LRRIQ3: variants seen among roughly 807,000 people sequenced by gnomAD.
The protein encoded by LRRIQ3 is leucine rich repeats and IQ motif containing 3, also known as leucine-rich repeat and IQ domain-containing protein 3.
In LRRIQ3, 75 loss-of-function variants were observed where a neutral mutation model predicts 59.3. That is an observed-to-expected ratio of 1.26 (90% CI 1.05 to 1.53). LRRIQ3 has a LOEUF of 1.53. Among genes scored for constraint, LRRIQ3 ranks in the 40% most tolerant of loss-of-function variants. The pLI is 0.00. For missense variants in LRRIQ3, 831 were observed against 710.0 expected, an observed-to-expected ratio of 1.17 and a Z score of -1.94; for synonymous variants, 250 against 231.3, an observed-to-expected ratio of 1.08 and a Z score of -0.73.
At chr1:74,100,973 C>A (rs1008837468) in intron 5 of LRRIQ3, among the ~76,000 whole-genome samples, 2 of 152,132 alleles carry the variant, frequency 1.3e-5, no homozygotes, top group Non-Finnish European at 2.9e-5. Flanking sequence ...AAAACCTAGG[C>A]AATACCATTC....
In LRRIQ3 at chr1:74,041,727, G is replaced by A. The variant is rs756201576; in HGVS notation, c.1204C>T (p.Arg402Trp). ...PIIKKDIRLERSMKEFFAPQR... is the reference protein window; with the variant it reads ...PIIKKDIRLEWSMKEFFAPQR... ...GGTGCAAAAAACTCTTTCATACTCC[G>A]CTCCAATCGTATGTCTTTTTTAATG... The change falls in exon 7 of 8, where the codon CGG becomes TGG. Residue 402 changes from arginine (R) to tryptophan (W), a missense_variant. Physicochemically the swap from Arg to Trp is moderately radical, Grantham distance 101. Coordinates refer to ENST00000354431, the MANE Select transcript of LRRIQ3 (RefSeq NM_001105659.2). 7.9e-5 allele frequency: 128 copies of A among 1,613,300 alleles called. No individual in the cohort carries two copies. The highest frequency in any genetic ancestry group is 1.9e-4 in the South Asian group (17 of 91,040).
At chr1:74,051,931 A>G (rs1654382750) in intron 6 of LRRIQ3, among the ~76,000 whole-genome samples, 1 of 152,284 alleles carries the variant, frequency 6.6e-6, no homozygotes, top group South Asian at 2.1e-4. Flanking sequence ...CTGGCCATAA[A>G]GAGTGAAAAA....
chr1:74,176,464 T>C lies in LRRIQ3; in HGVS notation c.573+6074A>G, dbSNP rs192095193. On this transcript the variant is annotated intron_variant, in intron 3 of 7. Transcript: ENST00000354431. ...ATTTCTTTGGGCTGATTTGGGGTTT[T>C]CTCAGCTTCTTAAATCTGCATTTAT... 2.8e-3 allele frequency among the ~76,000 whole-genome samples: 419 copies of C among 152,308 alleles called. 1 individual carries two copies. The highest frequency in any genetic ancestry group is 9.5e-3 in the African/African-American group (395 of 41,562).
At chr1:74,044,535 C>G (rs1654143652) in intron 6 of LRRIQ3, among the ~76,000 whole-genome samples, 1 of 152,074 alleles carries the variant, frequency 6.6e-6, no homozygotes, top group African/African-American at 2.4e-5. Context: ...AATTTACACC[C>G]TAATATCACA....
intron 4 of LRRIQ3, among the ~76,000 whole-genome samples, chr1:74,146,705 G>T (rs114750010): frequency 6.6e-6 from 1 of 152,124 alleles, no homozygotes; most frequent in African/African-American, 2.4e-5. Context: ...TAACTTACAA[G>T]TTTTGAAACC....
At chr1:74,116,988 T>C (rs1557623282) in intron 4 of LRRIQ3, among the ~76,000 whole-genome samples, 1 of 152,138 alleles carries the variant, frequency 6.6e-6, no homozygotes, top group Non-Finnish European at 1.5e-5. Flanking sequence ...AGTTATAATG[T>C]AGTGCCACCT....
At chr1:74,106,970 T>A (rs576303856) in intron 5 of LRRIQ3, among the ~76,000 whole-genome samples, 20 of 152,110 alleles carry the variant, frequency 1.3e-4, no homozygotes, top group African/African-American at 3.4e-4. Context: ...TTTCTTCTAT[T>A]CTGACCCAGC....
intron 7 of LRRIQ3, among the ~76,000 whole-genome samples, 185 bp downstream of exon 7, chr1:74,041,026 GAC>G (rs1178916136): frequency 2.0e-5 from 3 of 151,586 alleles, no homozygotes; most frequent in Non-Finnish European, 4.4e-5. Context: ...GATGGGGAAA[GAC>G]AGAGTTATTT....
At chr1:74,042,943 G>A (rs1442555975) in intron 6 of LRRIQ3, among the ~76,000 whole-genome samples, 4 of 151,962 alleles carry the variant, frequency 2.6e-5, no homozygotes, top group East Asian at 1.9e-4. Context: ...GATAGAAGCT[G>A]CCTGCCTGCC....
chr1:74,033,660 G>T (rs1463906688), intron 7 of LRRIQ3, among the ~76,000 whole-genome samples: 1 of 151,854 alleles, frequency 6.6e-6, no homozygotes, highest in Admixed American at 6.6e-5. Flanking sequence ...TAATTGGGAG[G>T]GCTGTTCTTA....
intron 6 of LRRIQ3, among the ~76,000 whole-genome samples, chr1:74,060,985 C>T (rs1016305201): frequency 1.2e-4 from 18 of 152,048 alleles, no homozygotes; most frequent in African/African-American, 3.1e-4. Flanking sequence ...ATTCTGGCAG[C>T]GGGAGATGTC....
intron 4 of LRRIQ3, among the ~76,000 whole-genome samples, chr1:74,109,756 T>C (rs992245877): frequency 6.6e-6 from 1 of 151,808 alleles, no homozygotes; most frequent in Non-Finnish European, 1.5e-5. Flanking sequence ...AAATGAATGC[T>C]GAGAAATTTC....
chr1:74,046,157 C>A (rs112854647), intron 6 of LRRIQ3, among the ~76,000 whole-genome samples: 2,928 of 152,208 alleles, frequency 0.019, 82 homozygotes, highest in African/African-American at 0.067. Context: ...CAAGACAATC[C>A]TAAGCAAAAA....
In LRRIQ3 at chr1:74,189,430, T is replaced by C. The variant is rs566372802; in HGVS notation, c.1-5746A>G. ...GAGATTGGTGATCTCAAGTAAATTA[T>C]GTATGCTGTGCCTCAGTTTCCTTAT... On this transcript the variant is annotated intron_variant, in intron 1 of 7. Coordinates refer to ENST00000354431, the MANE Select transcript of LRRIQ3 (RefSeq NM_001105659.2). Among the ~76,000 whole-genome samples, 98 of 152,270 alleles carry C rather than the reference T, an allele frequency of 6.4e-4. 2 individuals carry two copies. In the South Asian group the frequency reaches 0.015, roughly 23 times the overall value.
intron 1 of LRRIQ3, among the ~76,000 whole-genome samples, chr1:74,190,854 T>C (rs1650719142): frequency 6.6e-6 from 1 of 152,072 alleles, no homozygotes; most frequent in Non-Finnish European, 1.5e-5. Flanking sequence ...AGGCAGAAGA[T>C]AGTGGAGTGA....
chr1:74,152,921 T>G (rs752599490), intron 4 of LRRIQ3, among the ~76,000 whole-genome samples: 19 of 152,182 alleles, frequency 1.2e-4, no homozygotes, highest in Non-Finnish European at 2.2e-4. Context: ...TAATATTGAT[T>G]CATATATTAG....
intron 3 of LRRIQ3, chr1:74,180,920 T>C: frequency 1.2e-6 from 1 of 834,166 alleles, no homozygotes; most frequent in South Asian, 1.9e-5. Flanking sequence ...TTCTTTTCTT[T>C]AGCAACTAAC....
chr1:74,042,689 C>T (rs546072799), intron 6 of LRRIQ3, among the ~76,000 whole-genome samples: 2 of 152,218 alleles, frequency 1.3e-5, no homozygotes, highest in East Asian at 3.9e-4. Flanking sequence ...TTTTTCTTAA[C>T]TCTGGTGGAA....
At chr1:74,144,152 G>A (rs1647405492) in intron 4 of LRRIQ3, among the ~76,000 whole-genome samples, 1 of 151,834 alleles carries the variant, frequency 6.6e-6, no homozygotes, top group Admixed American at 6.6e-5. Context: ...CCTTAACAAA[G>A]TGCCCTTAAA....
Sources: allele counts gnomAD v4.1 joint callset (sites outside exome capture counted in the v4.1 genomes callset), GRCh38; gene constraint gnomAD v4.1.1; transcripts MANE v1.5; gene names NCBI Gene and HGNC (gene_info 2026-07-23, HGNC 2026-07-21).